SRRM4: variants seen among roughly 807,000 people sequenced by gnomAD.
SRRM4 encodes serine/arginine repetitive matrix protein 4.
In SRRM4, 33 loss-of-function variants were observed where a neutral mutation model predicts 68.9. The observed-to-expected ratio is 0.48, with a 90% confidence interval of 0.36 to 0.64. The LOEUF is 0.64. Among genes scored for constraint, SRRM4 ranks in the 30% least tolerant of loss-of-function variants. The pLI is 0.00. For missense variants in SRRM4, 817 were observed against 827.1 expected (o/e 0.99, Z 0.15); for synonymous variants, 318 against 318.8 (o/e 1.00, Z 0.03).
At chr12:119,095,244 C>T (rs1389202180) in intron 1 of SRRM4, among the ~76,000 whole-genome samples, 5 of 152,340 alleles carry the variant, frequency 3.3e-5, no homozygotes, top group South Asian at 4.1e-4. Context: ...CCAACTTCAT[C>T]TTGTCTCTGG....
At chr12:119,001,927 G>T (rs1409375914) in intron 1 of SRRM4, 1 of 149,922 alleles carries the variant, frequency 6.7e-6, no homozygotes. Flanking sequence ...AGGTTGCAGT[G>T]AGCTGTGATC....
At chr12:119,123,908 G>A (rs545115897) in intron 6 of SRRM4, among the ~76,000 whole-genome samples, 4 of 152,258 alleles carry the variant, frequency 2.6e-5, no homozygotes, top group South Asian at 2.1e-4. Context: ...AACAGCAGAC[G>A]AAACCCTGGG....
intron 1 of SRRM4, among the ~76,000 whole-genome samples, chr12:118,982,727 G>T (rs1261802441): frequency 6.7e-6 from 1 of 149,218 alleles, no homozygotes; most frequent in Non-Finnish European, 1.5e-5. Flanking sequence ...TGAACTCAGG[G>T]ATGAGAACCG....
intron 8 of SRRM4, among the ~76,000 whole-genome samples, chr12:119,136,956 C>G (rs1188715900): frequency 3.3e-5 from 5 of 152,188 alleles, no homozygotes; most frequent in Admixed American, 3.3e-4. Context: ...CGGCACATCT[C>G]CCTTCTCTTT....
chr12:119,125,315 C>A (rs1954250162), intron 6 of SRRM4, 66 bp from the exon 7 acceptor site: 3 of 1,418,794 alleles, frequency 2.1e-6, no homozygotes, highest in South Asian at 2.4e-5. Context: ...AAGATCAAAT[C>A]TCTCACTCTC....
At position 119,160,302 on chromosome 12, in the gene SRRM4, TCTCTCTCTCTC is replaced by T. The variant is rs1393452928; in HGVS notation, c.*3505_*3515del. ...GTCTCTCTCTCTGTCTCTCTCTCTC[TCTCTCTCTCTC>T]TCTCTCTCTCAGTGTATTTCTCTAC... On this transcript the variant is annotated 3_prime_UTR_variant, in exon 13 of 13. Transcript: ENST00000267260. 1.4e-5 allele frequency: 1 copy of T among 69,932 alleles called. No individual in the cohort carries two copies. The highest frequency in any genetic ancestry group is 3.9e-5 in the Non-Finnish European group (1 of 25,898). 4.3% of individuals were successfully genotyped at this position (69,932 alleles called of 1,614,324 possible).
intron 7 of SRRM4, among the ~76,000 whole-genome samples, chr12:119,128,675 A>G (rs1954275663): frequency 6.6e-6 from 1 of 152,362 alleles, no homozygotes; most frequent in South Asian, 2.1e-4. Context: ...GCGAGGTCAC[A>G]TAGCTAGGAA....
chr12:119,088,404 A>G (rs1162741282), intron 1 of SRRM4, among the ~76,000 whole-genome samples: 1 of 152,210 alleles, frequency 6.6e-6, no homozygotes, highest in Non-Finnish European at 1.5e-5. Flanking sequence ...CTCACCAAGC[A>G]GAAATTATTT....
At chr12:118,995,495 A>C (rs1312604380) in intron 1 of SRRM4, among the ~76,000 whole-genome samples, 1 of 152,226 alleles carries the variant, frequency 6.6e-6, no homozygotes, top group Non-Finnish European at 1.5e-5. Context: ...ACAGTGGTGC[A>C]TCAGAGAGAA....
intron 1 of SRRM4, among the ~76,000 whole-genome samples, chr12:119,055,568 A>G (rs1953771426): frequency 6.6e-6 from 1 of 152,196 alleles, no homozygotes; most frequent in African/African-American, 2.4e-5. Context: ...TGGACTCAAT[A>G]GCAGTTTCAA....
At chr12:119,084,808 A>G (rs956435679) in intron 1 of SRRM4, among the ~76,000 whole-genome samples, 1 of 152,212 alleles carries the variant, frequency 6.6e-6, no homozygotes, top group Non-Finnish European at 1.5e-5. Flanking sequence ...GCTTCCTGAA[A>G]GAGGTGACAT....
intron 1 of SRRM4, among the ~76,000 whole-genome samples, chr12:118,995,097 G>C (rs116012506): frequency 6.6e-6 from 1 of 152,072 alleles, no homozygotes; most frequent in Non-Finnish European, 1.5e-5. Flanking sequence ...TCTGTCAAAA[G>C]GTTTAATAAT....
rs182766877 is a variant in SRRM4, at chr12:119,025,088, A to T, written c.131+43075A>T. On this transcript the variant is annotated intron_variant, in intron 1 of 12. Coordinates refer to ENST00000267260, the MANE Select transcript of SRRM4 (RefSeq NM_194286.4). Reference sequence around the variant, plus strand: ...AGAGTGTTCTGGGCATTCAGTGCAGAGACACGTAACCCTGGTGGGTGTGCA... The same window carrying T: ...AGAGTGTTCTGGGCATTCAGTGCAGTGACACGTAACCCTGGTGGGTGTGCA... 8.5e-5 allele frequency among the ~76,000 whole-genome samples: 13 copies of T among 152,264 alleles called. No individual in the cohort carries two copies. In the East Asian group the frequency reaches 2.5e-3, roughly 29 times the overall value.
intron 11 of SRRM4, 21 bp downstream of exon 11, chr12:119,153,670 ACTAGGCCCGTC>A: frequency 1.3e-6 from 2 of 1,521,654 alleles, no homozygotes; most frequent in Non-Finnish European, 1.8e-6. Context: ...CGCCCCTCAA[ACTAGGCCCGTC>A]CTAGGCCCCA....
chr12:119,025,378 T>C (rs1308328783), intron 1 of SRRM4, among the ~76,000 whole-genome samples: 2 of 151,574 alleles, frequency 1.3e-5, no homozygotes, highest in Non-Finnish European at 2.9e-5. Flanking sequence ...GGTTTGTTAA[T>C]CCAGGCCTGC....
At chr12:119,001,500 T>C (rs1953383880) in intron 1 of SRRM4, among the ~76,000 whole-genome samples, 1 of 152,220 alleles carries the variant, frequency 6.6e-6, no homozygotes, top group African/African-American at 2.4e-5. Flanking sequence ...ATCAGTTCTT[T>C]CTCTGTATGA....
chr12:119,070,671 T>G (rs1416942731), intron 1 of SRRM4, among the ~76,000 whole-genome samples: 2 of 152,142 alleles, frequency 1.3e-5, no homozygotes, highest in Non-Finnish European at 2.9e-5. Flanking sequence ...CAAACCAGCA[T>G]GAGAAACCAT....
intron 2 of SRRM4, among the ~76,000 whole-genome samples, chr12:119,106,672 T>TTTGCTAAAG (rs142982283): frequency 0.077 from 11,691 of 152,240 alleles, 496 homozygotes; most frequent in Admixed American, 0.1. Flanking sequence ...ATCCCGAGAC[T>TTTGCTAAAG]TTGCTAAAGT....
intron 1 of SRRM4, among the ~76,000 whole-genome samples, chr12:119,038,413 G>A (rs1387616272): frequency 2.0e-5 from 3 of 152,030 alleles, no homozygotes; most frequent in Middle Eastern, 3.4e-3. Flanking sequence ...GGGTTTCACC[G>A]TGTTAGCCAG....
Sources: allele counts gnomAD v4.1 joint callset (sites outside exome capture counted in the v4.1 genomes callset), GRCh38; gene constraint gnomAD v4.1.1; transcripts MANE v1.5; gene names NCBI Gene and HGNC (gene_info 2026-07-23, HGNC 2026-07-21).